MYT1L: variants seen among roughly 807,000 people sequenced by gnomAD.
MYT1L encodes the protein myelin transcription factor 1 like, also known as myelin transcription factor 1-like protein.
In MYT1L, 12 loss-of-function variants were observed where a neutral mutation model predicts 126.7. The observed-to-expected ratio is 0.09, with a 90% CI of 0.06 to 0.15. The LOEUF (loss-of-function observed/expected upper bound fraction) is 0.15. Ranked by LOEUF, MYT1L falls within the 10% of genes least tolerant of loss-of-function variation. The probability of loss-of-function intolerance (pLI) is 1.00; values close to 1 mark genes in which losing one functional copy is unlikely to be tolerated. For missense variants in MYT1L, 979 were observed against 1,585.2 expected (o/e 0.62, Z 6.49); for synonymous variants, 541 against 604.2 (o/e 0.90, Z 1.53).
intron 1 of MYT1L, among the ~76,000 whole-genome samples, chr2:2,315,757 C>T (rs1349199997): frequency 2.0e-5 from 3 of 152,348 alleles, no homozygotes; most frequent in African/African-American, 4.8e-5. Flanking sequence ...ATGTTTACAA[C>T]ATCTCACTCT....
intron 3 of MYT1L, among the ~76,000 whole-genome samples, chr2:2,114,601 C>CT (rs2079947269): frequency 6.6e-6 from 1 of 152,112 alleles, no homozygotes. Flanking sequence ...GGAGATAATA[C>CT]TTTTTTAAAA....
chr2:2,091,478 G>A (rs1238736268), intron 3 of MYT1L, among the ~76,000 whole-genome samples: 1 of 152,214 alleles, frequency 6.6e-6, no homozygotes, highest in Non-Finnish European at 1.5e-5. Flanking sequence ...CATTTATAGA[G>A]CAAGAGGAGA....
chr2:2,263,815 G>C (rs1438068823), intron 2 of MYT1L, among the ~76,000 whole-genome samples: 1 of 152,172 alleles, frequency 6.6e-6, no homozygotes, highest in Non-Finnish European at 1.5e-5. Flanking sequence ...CGTCAAGCAT[G>C]ATGTTTGCAT....
intron 2 of MYT1L, among the ~76,000 whole-genome samples, chr2:2,265,552 G>A (rs1048572907): frequency 6.6e-6 from 1 of 152,166 alleles, no homozygotes; most frequent in South Asian, 2.1e-4. Context: ...GACCAGGCGG[G>A]CCTTCCTCCC....
intron 10 of MYT1L, among the ~76,000 whole-genome samples, chr2:1,918,042 A>C (rs2053094793): frequency 6.6e-6 from 1 of 152,154 alleles, no homozygotes; most frequent in Non-Finnish European, 1.5e-5. Flanking sequence ...TGTACTTGGA[A>C]CCAGAGGAAG....
chr2:1,861,146 A>G (rs1202767397), intron 18 of MYT1L, among the ~76,000 whole-genome samples: 2 of 152,184 alleles, frequency 1.3e-5, no homozygotes, highest in African/African-American at 2.4e-5. Context: ...CTGTGGGGTC[A>G]GACACAGACT....
intron 3 of MYT1L, among the ~76,000 whole-genome samples, chr2:2,097,955 T>G (rs2077627465): frequency 1.3e-5 from 2 of 152,152 alleles, no homozygotes; most frequent in African/African-American, 4.8e-5. Context: ...AAGATCTGGT[T>G]GTGTAAAAGT....
At chr2:1,928,109 C>G (rs2054474884) in intron 9 of MYT1L, among the ~76,000 whole-genome samples, 1 of 152,142 alleles carries the variant, frequency 6.6e-6, no homozygotes, top group Non-Finnish European at 1.5e-5. Flanking sequence ...TGTGTCACCA[C>G]GCCTGGCTAA....
chr2:1,797,366 G>A (rs1300819182), intron 23 of MYT1L, among the ~76,000 whole-genome samples: 1 of 152,204 alleles, frequency 6.6e-6, no homozygotes, highest in Middle Eastern at 3.2e-3. Context: ...TGGGACTACA[G>A]GCGCCCGCCA....
intron 8 of MYT1L, among the ~76,000 whole-genome samples, chr2:1,968,565 G>A (rs1383154944): frequency 1.3e-5 from 2 of 152,202 alleles, no homozygotes; most frequent in Non-Finnish European, 2.9e-5. Context: ...AAAATCTGTT[G>A]TATTATGTAG....
At chr2:2,186,803 T>G (rs1479743575) in intron 2 of MYT1L, among the ~76,000 whole-genome samples, 2 of 152,338 alleles carry the variant, frequency 1.3e-5, no homozygotes, top group Non-Finnish European at 2.9e-5. Context: ...TATTGTAAAC[T>G]TTGCATTATA....
intron 8 of MYT1L, among the ~76,000 whole-genome samples, chr2:1,956,574 T>TTCTTTCTA (rs1369480046): frequency 0.035 from 3,596 of 101,724 alleles, 190 homozygotes; most frequent in African/African-American, 0.082. Flanking sequence ...ATATTTCCTA[T>TTCTTTCTA]TCTATCTATC....
At chr2:2,198,001 A>G (rs1299744655) in intron 2 of MYT1L, among the ~76,000 whole-genome samples, 1 of 151,944 alleles carries the variant, frequency 6.6e-6, no homozygotes, top group African/African-American at 2.4e-5. Flanking sequence ...ATACATGCAC[A>G]CACATACACA....
intron 18 of MYT1L, among the ~76,000 whole-genome samples, chr2:1,869,364 T>A (rs548318355): frequency 6.6e-6 from 1 of 151,894 alleles, no homozygotes; most frequent in East Asian, 1.9e-4. Flanking sequence ...GAGTTGGGGG[T>A]CTCATGAGAC....
intron 18 of MYT1L, among the ~76,000 whole-genome samples, chr2:1,854,984 G>A (rs958606939): frequency 2.6e-5 from 4 of 152,172 alleles, no homozygotes; most frequent in African/African-American, 9.7e-5. Flanking sequence ...TGGTAATTCA[G>A]CTTTTCCGTC....
intron 3 of MYT1L, among the ~76,000 whole-genome samples, chr2:2,149,691 G>A (rs1324980328): frequency 1.3e-5 from 2 of 152,190 alleles, no homozygotes; most frequent in African/African-American, 2.4e-5. Flanking sequence ...TGCTGAGAAC[G>A]CATTGTTACC....
intron 4 of MYT1L, among the ~76,000 whole-genome samples, chr2:2,017,080 G>A (rs1344196597): frequency 6.6e-6 from 1 of 152,184 alleles, no homozygotes; most frequent in African/African-American, 2.4e-5. Flanking sequence ...GGGTCTCCTG[G>A]GGCTTCACAC....
intron 8 of MYT1L, among the ~76,000 whole-genome samples, chr2:1,963,029 G>GGAAT (rs764161367): frequency 6.6e-6 from 1 of 152,180 alleles, no homozygotes; most frequent in Non-Finnish European, 1.5e-5. Context: ...GTCCATCAGA[G>GGAAT]GAATCACTCT....
At chr2:2,137,245 G>A (rs1352192598) in intron 3 of MYT1L, among the ~76,000 whole-genome samples, 3 of 152,004 alleles carry the variant, frequency 2.0e-5, no homozygotes, top group Non-Finnish European at 2.9e-5. Flanking sequence ...AATCAATATC[G>A]TGAAAATGGC....
Sources: gnomAD v4.1 joint callset for allele counts (sites outside exome capture counted in the v4.1 genomes callset) on GRCh38, gnomAD v4.1.1 for gene constraint, MANE v1.5 for transcripts, NCBI Gene and HGNC (gene_info 2026-07-23, HGNC 2026-07-21) for gene names.